The following PKHD1L1 variants were observed in gnomAD, a reference collection of about 807,000 sequenced individuals.
PKHD1L1 encodes the protein fibrocystin-L.
In PKHD1L1, 434 loss-of-function variants were observed where a neutral mutation model predicts 462.9. The observed-to-expected ratio is 0.94, with a 90% confidence interval of 0.87 to 1.02. The LOEUF (loss-of-function observed/expected upper bound fraction) is 1.02. Among genes scored for constraint, PKHD1L1 ranks in the 50% least tolerant of loss-of-function variants. The pLI, the probability that PKHD1L1 is intolerant of heterozygous loss-of-function variation, is 0.00. For missense variants in PKHD1L1, 5,202 were observed against 5,096.1 expected, an observed-to-expected ratio of 1.02 and a Z score of -0.63; for synonymous variants, 1,781 against 1,750.0, an observed-to-expected ratio of 1.02 and a Z score of -0.44.
Position 109,452,812 on chromosome 8 carries a change from CA to C in PKHD1L1, c.6606del (p.Gly2203AspfsTer13). On this transcript the variant is annotated frameshift_variant, in exon 43 of 78. Transcript: ENST00000378402. LOFTEE classifies it high-confidence loss of function. ...PPEEGSLVVITKGQTILLDQS... is the reference protein window; with the variant it reads ...PPEEGSLVVIXKGQTILLDQS... ...GAAGAAGGATCTCTTGTTGTTATTA[CA>C]AAAGGACAGACCATTCTGCTGGATC... 2 of 1,535,958 alleles carry C rather than the reference CA, an allele frequency of 1.3e-6. No individual in the cohort carries two copies. The highest frequency in any genetic ancestry group is 1.3e-5 in the South Asian group (1 of 77,130).
At chr8:109,484,463 T>C (rs141867175) in intron 57 of PKHD1L1, among the ~76,000 whole-genome samples, 2 of 151,926 alleles carry the variant, frequency 1.3e-5, no homozygotes, top group African/African-American at 4.8e-5. Context: ...ATGAAGGAAA[T>C]AAAACAGGTA....
intron 73 of PKHD1L1, among the ~76,000 whole-genome samples, chr8:109,521,730 T>C (rs1003217446): frequency 6.6e-6 from 1 of 152,206 alleles, no homozygotes; most frequent in Non-Finnish European, 1.5e-5. Context: ...AATTGGTTAG[T>C]AATTTAATAA....
Position 109,445,610 on chromosome 8 carries a change from A to T in PKHD1L1, c.5741A>T (p.Asp1914Val). ...TTGCTTTTTACATATGCCCTGGAGG[A>T]TACTCCATTTCTCAGAGGAATTATC... ...PPLLFTYALE[D>V]TPFLRGIIPS... The change falls in exon 38 of 78, where the codon GAT becomes GTT. Residue 1914 changes from aspartate (D) to valine (V), a missense_variant. Asp to Val is a radical substitution (Grantham distance 152). This residue lies in a region of PKHD1L1 where 4,497 missense variants were observed against 4,336.8 expected (regional missense o/e 1.04). Transcript: ENST00000378402. 2 of 1,609,792 alleles carry T rather than the reference A, an allele frequency of 1.2e-6. No individual in the cohort carries two copies. The highest frequency in any genetic ancestry group is 2.2e-5 in the East Asian group (1 of 44,826).
intron 71 of PKHD1L1, among the ~76,000 whole-genome samples, chr8:109,514,647 C>CTATGA: frequency 6.6e-6 from 1 of 152,226 alleles, no homozygotes; most frequent in East Asian, 1.9e-4. Context: ...AAAAGCCAGT[C>CTATGA]TCTTTATGAT....
At chr8:109,449,223 ACT>A in intron 39 of PKHD1L1, 113 bp from the exon 40 acceptor site, 3 of 1,031,106 alleles carry the variant, frequency 2.9e-6, no homozygotes, top group Admixed American at 6.3e-5. Context: ...GTTCTAAAAA[ACT>A]CTTCATTTAA....
intron 14 of PKHD1L1, 126 bp from the exon 15 acceptor site, chr8:109,404,428 G>C (rs1383691219): frequency 1.9e-6 from 1 of 518,754 alleles, no homozygotes; most frequent in African/African-American, 2.0e-5. Context: ...TAAAATATGA[G>C]ATACTACAAT....
At chr8:109,524,326 C>A (rs1305212874) in intron 76 of PKHD1L1, among the ~76,000 whole-genome samples, 2 of 152,118 alleles carry the variant, frequency 1.3e-5, no homozygotes, top group African/African-American at 4.8e-5. Context: ...GTTCAGTCTG[C>A]CTACTGGGCA....
At chr8:109,502,273 G>C (rs1819459644) in intron 67 of PKHD1L1, among the ~76,000 whole-genome samples, 1 of 152,104 alleles carries the variant, frequency 6.6e-6, no homozygotes, top group African/African-American at 2.4e-5. Flanking sequence ...GCTTCTAAAA[G>C]TCATTCCAGC....
At position 109,465,200 on chromosome 8, in the gene PKHD1L1, T is replaced by G. The variant is rs1554583812; in HGVS notation, c.8368T>G (p.Trp2790Gly). Reference sequence around the variant, plus strand: ...CACACCGAACAAGGCTGGCTTTCGCTGGGAACATGAAATGGTAATGATTGA... The same window carrying G: ...CACACCGAACAAGGCTGGCTTTCGCGGGGAACATGAAATGGTAATGATTGA... ...SHTPNKAGFR[W>G]EHEMVMIDVD... The change falls in exon 49 of 78, where the codon TGG (tryptophan) becomes GGG (glycine). Residue 2790 changes from tryptophan to glycine, a missense_variant. Transcript: ENST00000378402. 3.1e-6 allele frequency: 5 copies of G among 1,613,702 alleles called. No individual in the cohort carries two copies. In the South Asian group the frequency reaches 5.5e-5, roughly 18 times the overall value.
intron 2 of PKHD1L1, among the ~76,000 whole-genome samples, chr8:109,366,044 TAGGAACTATGGCTTCAG>T (rs1189571766): frequency 6.6e-6 from 1 of 152,192 alleles, no homozygotes; most frequent in Admixed American, 6.5e-5. Context: ...TTTTCTGATC[TAGGAACTATGGCTTCAG>T]TTTAAGCACA....
rs751086882 is a variant in PKHD1L1, at chr8:109,526,876, G to GGCA, written c.12593_12595dup (p.Ser4198dup). On this transcript the variant is annotated inframe_insertion, in exon 77 of 78. Coordinates refer to ENST00000378402, the MANE Select transcript of PKHD1L1 (RefSeq NM_177531.6). ...GCTGGCAGAGTCTGTCTCTAGCAGT[G>GGCA]GCAGCAGCAGCAGCAGCAACAGCAA... The GGCA allele has an allele frequency of 2.6e-5, 41 of 1,607,002 alleles. No individual in the cohort carries two copies. The highest frequency in any genetic ancestry group is 9.4e-5 in the African/African-American group (7 of 74,808).
intron 8 of PKHD1L1, among the ~76,000 whole-genome samples, chr8:109,389,919 C>T (rs1812632923): frequency 6.6e-6 from 1 of 152,046 alleles, no homozygotes; most frequent in Non-Finnish European, 1.5e-5. Flanking sequence ...ATGCCATGTT[C>T]TCAAAAAGGC....
intron 19 of PKHD1L1, among the ~76,000 whole-genome samples, chr8:109,410,372 T>C (rs1039904675): frequency 2.0e-5 from 3 of 152,150 alleles, no homozygotes; most frequent in African/African-American, 7.2e-5. Flanking sequence ...GGAAGCATGA[T>C]GCTGGCATCT....
intron 63 of PKHD1L1, 64 bp from the exon 64 acceptor site, chr8:109,496,855 G>T (rs1819114126): frequency 6.7e-7 from 1 of 1,484,236 alleles, no homozygotes; most frequent in South Asian, 1.3e-5. Context: ...AACTGATACT[G>T]CTTATTAAAA....
At chr8:109,459,877 A>T in intron 47 of PKHD1L1, 41 bp downstream of exon 47, 1 of 1,538,210 alleles carries the variant, frequency 6.5e-7, no homozygotes, top group Middle Eastern at 2.0e-4. Flanking sequence ...ATCATGCCAT[A>T]TAGTTTTACA....
At position 109,452,864 on chromosome 8, in the gene PKHD1L1, G is replaced by C; in HGVS notation, c.6654G>C (p.Leu2218Phe). Residue 2218 changes from leucine (L) to phenylalanine (F), a missense_variant, in exon 43 of 78, where the codon TTG (leucine) becomes TTC (phenylalanine). Coordinates refer to ENST00000378402, the MANE Select transcript of PKHD1L1 (RefSeq NM_177531.6). ...LDQSTPILKM[L>F]LIQGGTLIFD... ...AAAGCACCCCTATTTTGAAAATGTT[G>C]CTTATTCAGGGTAAATTTCTGAATA... 1 of 1,440,140 alleles carries C rather than the reference G, an allele frequency of 6.9e-7. No homozygotes were observed. The highest frequency in any genetic ancestry group is 2.6e-5 in the East Asian group (1 of 37,866). 89.2% of individuals were successfully genotyped at this position (1,440,140 alleles called of 1,614,324 possible). A position where few individuals can be genotyped will look rare whatever the true frequency, so the allele number is the denominator to read the frequency against.
At chr8:109,415,699 A>C (rs1177346550) in intron 21 of PKHD1L1, among the ~76,000 whole-genome samples, 1 of 151,940 alleles carries the variant, frequency 6.6e-6, no homozygotes, top group Non-Finnish European at 1.5e-5. Flanking sequence ...AAATACAAAA[A>C]TTAGCTGGGC....
intron 59 of PKHD1L1, among the ~76,000 whole-genome samples, chr8:109,489,716 A>G (rs1414044708): frequency 1.3e-5 from 2 of 151,912 alleles, no homozygotes; most frequent in African/African-American, 4.8e-5. Flanking sequence ...TATATGGTAT[A>G]TATGCGTTAT....
rs772175418 is a variant in PKHD1L1, at chr8:109,476,584, G to C, written c.8834G>C (p.Gly2945Ala). Residue 2945 changes from glycine to alanine, a missense_variant, in exon 52 of 78, where the codon GGT (glycine) becomes GCT (alanine). This residue lies in a region of PKHD1L1 where 4,497 missense variants were observed against 4,336.8 expected (regional missense o/e 1.04). Coordinates refer to ENST00000378402, the MANE Select transcript of PKHD1L1 (RefSeq NM_177531.6). ...TTTAATATTATTGATATGAGGAATG[G>C]TTCCTCAAATCCATTGAATTGGAAT... ...DMFNIIDMRN[G>A]SSNPLNWNTS... The C allele has an allele frequency of 1.3e-6, 2 of 1,571,938 alleles. No individual in the cohort carries two copies. Among genetic ancestry groups the C allele is most frequent in the Non-Finnish European group, 8.7e-7 (1 of 1,151,122 alleles).
Sources: allele counts gnomAD v4.1 joint callset (sites outside exome capture counted in the v4.1 genomes callset), GRCh38; gene constraint gnomAD v4.1.1; regional missense constraint gnomAD v4.1.1; transcripts MANE v1.5; gene names NCBI Gene and HGNC (gene_info 2026-07-23, HGNC 2026-07-21).